RMDN2: variants seen among roughly 807,000 people sequenced by gnomAD.
RMDN2 encodes the protein regulator of microtubule dynamics protein 2.
RMDN2 carries 61 observed loss-of-function variants against 52.8 expected under a neutral mutation model. That is an observed-to-expected ratio of 1.16 (90% CI 0.94 to 1.43). RMDN2 has a LOEUF of 1.43. RMDN2 is among the 40% of genes most tolerant of loss of function. RMDN2 has a pLI of 0.00. For synonymous variants in RMDN2, 180 were observed against 153.1 expected (o/e 1.18, Z -1.30); for missense variants, 592 against 475.3 (o/e 1.25, Z -2.28).
intron 10 of RMDN2, among the ~76,000 whole-genome samples, chr2:38,064,787 AAATC>A (rs1201142746): frequency 1.3e-5 from 2 of 151,964 alleles, no homozygotes; most frequent in Non-Finnish European, 2.9e-5. Context: ...TAAAAAAAAA[AAATC>A]TATGTAATGC....
chr2:37,993,969 T>C (rs1263281711), intron 7 of RMDN2, among the ~76,000 whole-genome samples: 1 of 152,172 alleles, frequency 6.6e-6, no homozygotes, highest in African/African-American at 2.4e-5. Context: ...AAGAAAGAAA[T>C]TTTAATTCAA....
intron 2 of RMDN2, among the ~76,000 whole-genome samples, chr2:37,937,267 C>G (rs1419989764): frequency 6.6e-6 from 1 of 152,132 alleles, no homozygotes; most frequent in Non-Finnish European, 1.5e-5. Context: ...GTCTATATAT[C>G]TGTTTTGGTA....
intron 2 of RMDN2, among the ~76,000 whole-genome samples, chr2:37,954,077 C>G (rs922981026): frequency 2.0e-5 from 3 of 151,448 alleles, no homozygotes; most frequent in African/African-American, 4.9e-5. Flanking sequence ...TGTAGGAGTT[C>G]TTTATATATT....
chr2:37,984,446 G>A (rs1339223211), intron 5 of RMDN2, among the ~76,000 whole-genome samples: 1 of 152,178 alleles, frequency 6.6e-6, no homozygotes, highest in Non-Finnish European at 1.5e-5. Flanking sequence ...TATAGATGGG[G>A]TAAGCAAGGT....
At chr2:37,946,243 G>T (rs1292145654) in intron 2 of RMDN2, among the ~76,000 whole-genome samples, 2 of 152,160 alleles carry the variant, frequency 1.3e-5, no homozygotes, top group Admixed American at 6.6e-5. Flanking sequence ...CTTTGTGGGT[G>T]TAGGGGTTGG....
At chr2:38,056,571 A>T (rs1681862648) in intron 10 of RMDN2, among the ~76,000 whole-genome samples, 1 of 152,346 alleles carries the variant, frequency 6.6e-6, no homozygotes, top group Middle Eastern at 3.4e-3. Flanking sequence ...GAATGTATAT[A>T]AAACTATATT....
intron 5 of RMDN2, among the ~76,000 whole-genome samples, chr2:37,985,944 C>T (rs1414085655): frequency 2.6e-5 from 4 of 152,004 alleles, no homozygotes; most frequent in African/African-American, 7.3e-5. Flanking sequence ...AATATTGGTA[C>T]AGTTTTGACA....
chr2:37,973,925 C>A (rs781781632), intron 2 of RMDN2, 115 bp from the exon 3 acceptor site: 6 of 774,888 alleles, frequency 7.7e-6, no homozygotes, highest in Non-Finnish European at 1.3e-5. Flanking sequence ...AAAGCACGTG[C>A]CACTGCAGAG....
At chr2:37,924,522 G>A (rs1432570138), upstream of RMDN2, among the ~76,000 whole-genome samples, 2 of 152,074 alleles carry the variant, frequency 1.3e-5, no homozygotes, top group Non-Finnish European at 2.9e-5. Context: ...CCACCACCAC[G>A]CCCGGCTAAT....
In RMDN2 at chr2:37,961,289, A is replaced by G. The variant is rs571518717; in HGVS notation, c.453-12751A>G. On this transcript the variant is annotated intron_variant, in intron 2 of 10. Transcript: ENST00000354545. The stretch of plus-strand genomic sequence containing the variant: ...ATAATATCCTGAAGAGTGTTTTCCA[A>G]CTTGGTTCCATTCTCCCTATCACTT... 5.3e-5 allele frequency among the ~76,000 whole-genome samples: 8 copies of G among 152,118 alleles called. No individual in the cohort carries two copies. The South Asian group carries it at 1.2e-3, about 24-fold the overall frequency.
chr2:37,929,023 G>T, intron 1 of RMDN2: 3 of 273,588 alleles, frequency 1.1e-5, no homozygotes, highest in African/African-American at 2.2e-5. Context: ...GTTTTTTAGT[G>T]GTTATTCTAG....
At chr2:38,003,584 ATAGATAGATAGATAGATAGG>A (rs2125190050) in intron 8 of RMDN2, among the ~76,000 whole-genome samples, 1 of 151,968 alleles carries the variant, frequency 6.6e-6, no homozygotes, top group South Asian at 2.1e-4. Flanking sequence ...AGATAGATAG[ATAGATAGATAGATAGATAGG>A]CAGACAGACA....
chr2:38,031,005 CTTAATTGGCCAAGAACATTTGT>C (rs1263770637), intron 10 of RMDN2, among the ~76,000 whole-genome samples: 8 of 151,426 alleles, frequency 5.3e-5, no homozygotes, highest in African/African-American at 1.5e-4. Context: ...TTGAAATTTG[CTTAATTGGCCAAGAACATTTGT>C]TTAATTGGCC....
intron 2 of RMDN2, among the ~76,000 whole-genome samples, chr2:37,949,512 C>G (rs1258527050): frequency 6.6e-6 from 1 of 152,142 alleles, no homozygotes; most frequent in African/African-American, 2.4e-5. Flanking sequence ...CATAAGTCTT[C>G]TGTCTCTAAC....
rs71400332 is a variant in RMDN2, at chr2:37,968,438, C to CAA, written c.453-5580_453-5579dup. ...TGGGTGACAGAGCGAGACTCTGTCT[C>CAA]AAAAAAAAAAAAAAAAAAAAAAAGA... On this transcript the variant is annotated intron_variant, in intron 2 of 10. Transcript: ENST00000354545. 4.1e-3 allele frequency among the ~76,000 whole-genome samples: 360 copies of CAA among 88,846 alleles called. 2 individuals carry two copies. Among genetic ancestry groups the CAA allele is most frequent in the East Asian group, 0.035 (72 of 2,054 alleles). The allele number at this position is 88,846 out of a possible 152,430, so 58.3% of individuals were successfully genotyped here. A position where few individuals can be genotyped will look rare whatever the true frequency, so the allele number is the denominator to read the frequency against.
At chr2:37,977,682 G>A (rs545105821) in intron 4 of RMDN2, among the ~76,000 whole-genome samples, 2 of 152,106 alleles carry the variant, frequency 1.3e-5, no homozygotes, top group African/African-American at 2.4e-5. Context: ...ATTCCCAGAC[G>A]GGGTCGCGGC....
intron 2 of RMDN2, among the ~76,000 whole-genome samples, chr2:37,964,373 GT>G (rs1670753281): frequency 6.6e-6 from 1 of 152,170 alleles, no homozygotes. Flanking sequence ...TTTTTGGTAT[GT>G]TATGTTTTCA....
intron 2 of RMDN2, chr2:37,951,314 TTC>T (rs1400852205): frequency 1.2e-6 from 2 of 1,612,952 alleles, no homozygotes; most frequent in Non-Finnish European, 1.7e-6. Flanking sequence ...GTGGAGCCTC[TTC>T]TATTTCACAA....
chr2:37,987,686 G>A lies in RMDN2; in HGVS notation c.792-1855G>A, dbSNP rs1490338091. ...AAGTACAAACCATATTGTAAACTAC[G>A]GACTTTGGATGTTACTGATGTGTCA... On this transcript the variant is annotated intron_variant, in intron 5 of 10. Coordinates refer to ENST00000354545, the MANE Select transcript of RMDN2 (RefSeq NM_001170791.3). Among the ~76,000 whole-genome samples, 6 of 152,224 alleles carry A rather than the reference G, an allele frequency of 3.9e-5. No individual in the cohort carries two copies. In the South Asian group the frequency reaches 1.0e-3, roughly 26 times the overall value.
Sources: gnomAD v4.1 joint callset for allele counts (sites outside exome capture counted in the v4.1 genomes callset) on GRCh38, gnomAD v4.1.1 for gene constraint, MANE v1.5 for transcripts, NCBI Gene and HGNC (gene_info 2026-07-23, HGNC 2026-07-21) for gene names.